IMMP2L: variants seen among roughly 807,000 people sequenced by gnomAD.
The protein encoded by IMMP2L is inner mitochondrial membrane peptidase subunit 2.
In IMMP2L, 18 loss-of-function variants were observed where a neutral mutation model predicts 19.3. The observed-to-expected ratio is 0.93, with a 90% confidence interval of 0.64 to 1.38. The LOEUF is 1.38. IMMP2L is among the 40% of genes most tolerant of loss of function. The probability of loss-of-function intolerance (pLI) is 0.00; values close to 1 mark genes in which losing one functional copy is unlikely to be tolerated. For synonymous variants in IMMP2L, 76 were observed against 73.0 expected, an observed-to-expected ratio of 1.04 and a Z score of -0.21; for missense variants, 233 against 218.2, an observed-to-expected ratio of 1.07 and a Z score of -0.43.
At chr7:111,257,713 C>A (rs1232020255) in intron 3 of IMMP2L, among the ~76,000 whole-genome samples, 1 of 152,086 alleles carries the variant, frequency 6.6e-6, no homozygotes, top group Non-Finnish European at 1.5e-5. Flanking sequence ...TTTGCTTAAA[C>A]AACACAGTGA....
intron 3 of IMMP2L, among the ~76,000 whole-genome samples, chr7:111,265,936 A>G (rs1204876263): frequency 2.0e-5 from 3 of 152,202 alleles, no homozygotes; most frequent in Non-Finnish European, 4.4e-5. Flanking sequence ...TGATTACCCA[A>G]GTCAGTGAGG....
intron 3 of IMMP2L, among the ~76,000 whole-genome samples, chr7:111,426,485 T>G (rs896833031): frequency 6.6e-6 from 1 of 150,870 alleles, no homozygotes; most frequent in East Asian, 1.9e-4. Flanking sequence ...ATCCCAAGAG[T>G]GCATACTCAG....
At chr7:111,083,792 G>T (rs1796083119) in intron 3 of IMMP2L, among the ~76,000 whole-genome samples, 1 of 152,094 alleles carries the variant, frequency 6.6e-6, no homozygotes, top group South Asian at 2.1e-4. Flanking sequence ...TATTATTCTA[G>T]GTACTTTAAT....
intron 5 of IMMP2L, among the ~76,000 whole-genome samples, chr7:110,842,129 A>G (rs1165111513): frequency 6.6e-6 from 1 of 152,212 alleles, no homozygotes; most frequent in African/African-American, 2.4e-5. Context: ...TCAGTTATTC[A>G]AAATGGACTC....
intron 3 of IMMP2L, among the ~76,000 whole-genome samples, chr7:111,412,928 C>T (rs1029108611): frequency 2.0e-5 from 3 of 150,748 alleles, no homozygotes; most frequent in Non-Finnish European, 4.4e-5. Context: ...AGCAAATAAT[C>T]GAAGAAATAA....
At chr7:111,502,246 G>A (rs961454505) in intron 2 of IMMP2L, among the ~76,000 whole-genome samples, 2 of 152,064 alleles carry the variant, frequency 1.3e-5, no homozygotes, top group Admixed American at 1.3e-4. Context: ...ATGGTAAAGG[G>A]ATCAATTCAA....
intron 5 of IMMP2L, among the ~76,000 whole-genome samples, chr7:110,738,721 C>A (rs1351525017): frequency 6.6e-6 from 1 of 152,180 alleles, no homozygotes; most frequent in South Asian, 2.1e-4. Flanking sequence ...GCTCAAAGAA[C>A]ACCTGGGAAA....
At chr7:110,937,665 T>G (rs1293473015) in intron 4 of IMMP2L, among the ~76,000 whole-genome samples, 1 of 152,146 alleles carries the variant, frequency 6.6e-6, no homozygotes, top group Admixed American at 6.6e-5. Context: ...AAAGGTCACT[T>G]TTTGACTCAT....
At chr7:111,406,816 C>G (rs760341602) in intron 3 of IMMP2L, among the ~76,000 whole-genome samples, 4 of 151,960 alleles carry the variant, frequency 2.6e-5, no homozygotes, top group Non-Finnish European at 5.9e-5. Flanking sequence ...GATTTGCATG[C>G]ATTTTGGGGA....
intron 3 of IMMP2L, among the ~76,000 whole-genome samples, chr7:111,284,560 GC>G (rs1322138035): frequency 6.6e-6 from 1 of 152,180 alleles, no homozygotes; most frequent in Non-Finnish European, 1.5e-5. Context: ...AAACCGTAGT[GC>G]TGACAATGAC....
chr7:110,798,324 A>C (rs1172829996), intron 5 of IMMP2L, among the ~76,000 whole-genome samples: 1 of 151,996 alleles, frequency 6.6e-6, no homozygotes, highest in East Asian at 1.9e-4. Flanking sequence ...CACATTTCCG[A>C]GGAACATTTA....
chr7:111,225,883 A>G (rs1223395974), intron 3 of IMMP2L, among the ~76,000 whole-genome samples: 1 of 152,080 alleles, frequency 6.6e-6, no homozygotes, highest in Non-Finnish European at 1.5e-5. Context: ...CCCTCAGGCT[A>G]CTATAGTCAC....
intron 3 of IMMP2L, among the ~76,000 whole-genome samples, chr7:111,080,345 T>G (rs2129576338): frequency 6.6e-6 from 1 of 152,210 alleles, no homozygotes; most frequent in African/African-American, 2.4e-5. Flanking sequence ...CAAGGGCTGT[T>G]AGATTTGACT....
chr7:110,726,795 T>C lies in IMMP2L; in HGVS notation c.409-63074A>G, dbSNP rs546335083. Among the ~76,000 whole-genome samples the C allele has an allele frequency of 2.0e-5, 3 of 152,322 alleles. No individual in the cohort carries two copies. The South Asian group carries it at 6.2e-4, about 32-fold the overall frequency. On this transcript the variant is annotated intron_variant, in intron 5 of 5. Coordinates refer to ENST00000405709, the MANE Select transcript of IMMP2L (RefSeq NM_032549.4). ...CCAAGTGACTGTCTAGCTCTACTTA[T>C]GCTGGAGCAAAGAGAAATTTGCTGA...
At chr7:110,802,077 T>C (rs1428716593) in intron 5 of IMMP2L, among the ~76,000 whole-genome samples, 1 of 152,084 alleles carries the variant, frequency 6.6e-6, no homozygotes, top group African/African-American at 2.4e-5. Flanking sequence ...TGCTGTGTTA[T>C]GAATGAACCA....
chr7:111,482,690 CT>C lies in IMMP2L; in HGVS notation c.239+4547del, dbSNP rs541471087. On this transcript the variant is annotated intron_variant, in intron 3 of 5. Coordinates refer to ENST00000405709, the MANE Select transcript of IMMP2L (RefSeq NM_032549.4). Reference sequence around the variant, plus strand: ...CCTACCATCTCTTTCTTCTCTGCCCCTGTGGTATCCACCTCCCCAGCTGGCC... The same window carrying C: ...CCTACCATCTCTTTCTTCTCTGCCCCGTGGTATCCACCTCCCCAGCTGGCC... 3.0e-3 allele frequency among the ~76,000 whole-genome samples: 464 copies of C among 152,276 alleles called. 1 individual carries two copies. The highest frequency in any genetic ancestry group is 0.01 in the African/African-American group (433 of 41,570).
intron 3 of IMMP2L, among the ~76,000 whole-genome samples, chr7:110,972,435 T>C (rs532158952): frequency 6.6e-6 from 1 of 152,266 alleles, no homozygotes; most frequent in Non-Finnish European, 1.5e-5. Flanking sequence ...ATGCATATGT[T>C]TCTAAGTCTT....
intron 4 of IMMP2L, among the ~76,000 whole-genome samples, chr7:110,950,058 A>T (rs955761591): frequency 1.4e-4 from 21 of 152,122 alleles, no homozygotes; most frequent in Non-Finnish European, 2.6e-4. Flanking sequence ...TCATGAAGCT[A>T]TTTCACTACG....
intron 5 of IMMP2L, among the ~76,000 whole-genome samples, chr7:110,807,173 G>A (rs547457295): frequency 1.1e-4 from 16 of 152,066 alleles, no homozygotes; most frequent in Admixed American, 5.2e-4. Flanking sequence ...CCTTGTATGT[G>A]CTTACTCTGG....
Sources: allele counts gnomAD v4.1 joint callset (sites outside exome capture counted in the v4.1 genomes callset), GRCh38; gene constraint gnomAD v4.1.1; transcripts MANE v1.5; gene names NCBI Gene and HGNC (gene_info 2026-07-23, HGNC 2026-07-21).